Variants in CNTNAP5 observed in about 807,000 individuals in gnomAD.
CNTNAP5 encodes contactin-associated protein-like 5.
CNTNAP5 carries 72 observed loss-of-function variants against 150.2 expected under a neutral mutation model. The observed-to-expected ratio is 0.48, with a 90% CI of 0.40 to 0.58. CNTNAP5 has a LOEUF of 0.58. Among genes scored for constraint, CNTNAP5 ranks in the 20% least tolerant of loss-of-function variants. The pLI is 0.00. For synonymous variants in CNTNAP5, 672 were observed against 619.8 expected (o/e 1.08, Z -1.25); for missense variants, 1,636 against 1,626.2 (o/e 1.01, Z -0.10).
At position 124,917,856 on chromosome 2, in the gene CNTNAP5, C is replaced by T. The variant is rs938981666; in HGVS notation, c.*3568C>T. ...ACATAAAGTGTCCTAGAATGCAGCA[C>T]AAGGTCCCGCACAATTATTTTTGTG... On this transcript the variant is annotated 3_prime_UTR_variant, in exon 24 of 24. Transcript: ENST00000682447. Among the ~76,000 whole-genome samples, 11 of 152,030 alleles carry T rather than the reference C, an allele frequency of 7.2e-5. No individual in the cohort carries two copies. Among genetic ancestry groups the T allele is most frequent in the Non-Finnish European group, 1.5e-4 (10 of 67,986 alleles).
At chr2:124,392,372 C>A (rs1453758071) in intron 3 of CNTNAP5, among the ~76,000 whole-genome samples, 1 of 152,056 alleles carries the variant, frequency 6.6e-6, no homozygotes, top group African/African-American at 2.4e-5. Context: ...GATTACTAAT[C>A]TTTTAAACCA....
At chr2:124,790,901 T>C (rs1010983828) in intron 18 of CNTNAP5, among the ~76,000 whole-genome samples, 1 of 152,176 alleles carries the variant, frequency 6.6e-6, no homozygotes, top group African/African-American at 2.4e-5. Flanking sequence ...TATAAATACG[T>C]AGGATTTTTC....
rs541174484 is a variant in CNTNAP5 at position 124,364,699 on chromosome 2, G to T, written c.382-52744G>T. Among the ~76,000 whole-genome samples the T allele has an allele frequency of 1.3e-4, 20 of 152,320 alleles. 1 individual carries two copies. In the South Asian group the frequency reaches 3.9e-3, roughly 30 times the overall value. ...GCAAGAAAGAGATATCATGATGCCA[G>T]TTAATTTCCTGAGATAGAATTCCTT... On this transcript the variant is annotated intron_variant, in intron 3 of 23. Transcript: ENST00000682447.
rs72964697 is a variant in CNTNAP5, at chr2:124,368,720, C to T, written c.382-48723C>T. ...TAAAACAGATCTGAACTGGTGAACACAGAGAGTGGTAAACTTTGTGCTGGG... is the reference window on the plus strand; with the variant it reads ...TAAAACAGATCTGAACTGGTGAACATAGAGAGTGGTAAACTTTGTGCTGGG... On this transcript the variant is annotated intron_variant, in intron 3 of 23. Coordinates refer to ENST00000682447, the MANE Select transcript of CNTNAP5 (RefSeq NM_001367498.1). 4.5e-3 allele frequency among the ~76,000 whole-genome samples: 691 copies of T among 152,216 alleles called. 5 individuals carry two copies. Among genetic ancestry groups the T allele is most frequent in the African/African-American group, 0.016 (657 of 41,532 alleles).
chr2:124,687,478 C>T (rs777605232), intron 13 of CNTNAP5, among the ~76,000 whole-genome samples: 1 of 151,966 alleles, frequency 6.6e-6, no homozygotes, highest in East Asian at 1.9e-4. Context: ...AAATGTGCTA[C>T]TCTGCAAGTT....
chr2:124,139,623 C>T (rs990918830), intron 1 of CNTNAP5, among the ~76,000 whole-genome samples: 2 of 152,180 alleles, frequency 1.3e-5, no homozygotes, highest in Non-Finnish European at 1.5e-5. Flanking sequence ...CTCCAGAGAC[C>T]GGCGAAGGAG....
intron 21 of CNTNAP5, among the ~76,000 whole-genome samples, chr2:124,875,698 G>GTTT (rs5834090): frequency 2.4e-5 from 3 of 126,782 alleles, no homozygotes; most frequent in South Asian, 2.6e-4. Flanking sequence ...AACCATGAGG[G>GTTT]TTTTTTTTTT....
chr2:124,539,959 T>C (rs1695340142), intron 10 of CNTNAP5, among the ~76,000 whole-genome samples: 1 of 152,280 alleles, frequency 6.6e-6, no homozygotes, highest in East Asian at 1.9e-4. Context: ...GGCTCTTCTC[T>C]CCTAATCCTG....
intron 13 of CNTNAP5, among the ~76,000 whole-genome samples, chr2:124,692,654 C>T (rs542442414): frequency 1.9e-4 from 29 of 152,206 alleles, no homozygotes; most frequent in African/African-American, 7.0e-4. Flanking sequence ...AAATCGATCT[C>T]TTTTTAGCTC....
chr2:124,451,051 A>AAAAAAAAT (rs1360743225), intron 6 of CNTNAP5, among the ~76,000 whole-genome samples: 1 of 65,308 alleles, frequency 1.5e-5, no homozygotes, highest in Non-Finnish European at 2.6e-5. Flanking sequence ...AAAAAAAAAA[A>AAAAAAAAT]ATATATATAT....
chr2:124,146,013 G>C (rs1320839557), intron 1 of CNTNAP5, among the ~76,000 whole-genome samples: 1 of 151,916 alleles, frequency 6.6e-6, no homozygotes, highest in Non-Finnish European at 1.5e-5. Context: ...ATTTTAAAAA[G>C]CATTTTGTGA....
intron 1 of CNTNAP5, among the ~76,000 whole-genome samples, chr2:124,194,371 A>G (rs1164585116): frequency 5.5e-4 from 2 of 3,664 alleles, no homozygotes; most frequent in East Asian, 0.017. Flanking sequence ...TAGGTCATAT[A>G]TATATATATA....
chr2:124,188,588 G>T (rs1450007109), intron 1 of CNTNAP5, among the ~76,000 whole-genome samples: 2 of 151,592 alleles, frequency 1.3e-5, no homozygotes, highest in Non-Finnish European at 2.9e-5. Context: ...GCGTGGTGGC[G>T]GGCGCCTGTA....
chr2:124,066,259 A>C (rs1470504993), intron 1 of CNTNAP5, among the ~76,000 whole-genome samples: 2 of 152,214 alleles, frequency 1.3e-5, no homozygotes, highest in Non-Finnish European at 2.9e-5. Flanking sequence ...GTTTCTGTTT[A>C]ATCCAAATGA....
At chr2:124,405,483 T>A in intron 3 of CNTNAP5, among the ~76,000 whole-genome samples, 1 of 152,152 alleles carries the variant, frequency 6.6e-6, no homozygotes, top group East Asian at 1.9e-4. Flanking sequence ...GGGAGTGAAG[T>A]AAAAGGGTCA....
At chr2:124,657,865 C>CA (rs1011332178) in intron 13 of CNTNAP5, among the ~76,000 whole-genome samples, 36 of 152,334 alleles carry the variant, frequency 2.4e-4, no homozygotes, top group African/African-American at 7.5e-4. Flanking sequence ...ATTTTACGTA[C>CA]AACTAAAGTA....
chr2:124,521,985 C>A (rs148678408), intron 8 of CNTNAP5, among the ~76,000 whole-genome samples: 1 of 152,238 alleles, frequency 6.6e-6, no homozygotes, highest in East Asian at 1.9e-4. Flanking sequence ...CTCTTCTTCA[C>A]CCCAAGCAGA....
intron 12 of CNTNAP5, among the ~76,000 whole-genome samples, chr2:124,623,900 C>A (rs1677667491): frequency 6.6e-6 from 1 of 152,194 alleles, no homozygotes; most frequent in Non-Finnish European, 1.5e-5. Flanking sequence ...GGACAATTTG[C>A]TTTCTGTAAA....
At chr2:124,804,289 T>G (rs2104649107) in intron 19 of CNTNAP5, among the ~76,000 whole-genome samples, 1 of 152,294 alleles carries the variant, frequency 6.6e-6, no homozygotes, top group African/African-American at 2.4e-5. Context: ...GCACTTCCAT[T>G]ATCACAGGGT....
Sources: allele counts gnomAD v4.1 joint callset (sites outside exome capture counted in the v4.1 genomes callset), GRCh38; gene constraint gnomAD v4.1.1; transcripts MANE v1.5; gene names NCBI Gene and HGNC (gene_info 2026-07-23, HGNC 2026-07-21).